The following NRG1 variants were observed in gnomAD, a reference collection of about 807,000 sequenced individuals.
The protein encoded by NRG1 is neuregulin 1, also known as pro-neuregulin-1, membrane-bound isoform.
In NRG1, 18 loss-of-function variants were observed where a neutral mutation model predicts 63.8. That is an observed-to-expected ratio of 0.28 (90% CI 0.19 to 0.42). NRG1 has a LOEUF of 0.42. Among genes scored for constraint, NRG1 ranks in the 10% least tolerant of loss-of-function variants. The pLI, the probability that NRG1 is intolerant of heterozygous loss-of-function variation, is 1.00. For synonymous variants in NRG1, 302 were observed against 301.3 expected (o/e 1.00, Z -0.02); for missense variants, 762 against 814.7 (o/e 0.94, Z 0.79).
intron 1 of NRG1, among the ~76,000 whole-genome samples, chr8:32,447,743 G>T (rs1820445217): frequency 1.3e-5 from 2 of 151,810 alleles, no homozygotes; most frequent in Admixed American, 1.3e-4. Context: ...CATGGCGGTG[G>T]CTCCCTGTAG....
chr8:32,291,992 A>G (rs925013081), intron 1 of NRG1, among the ~76,000 whole-genome samples: 37 of 152,200 alleles, frequency 2.4e-4, no homozygotes, highest in Non-Finnish European at 8.8e-5. Context: ...TTCTGGGTTT[A>G]GAGGTGTTGG....
exon 1 of NRG1, chr8:31,639,256 G>A (rs1803499847): frequency 1.9e-6 from 2 of 1,068,048 alleles, no homozygotes; most frequent in Non-Finnish European, 2.7e-6. Context: ...GTAAGCCTCC[G>A]CAGCCCACTC....
chr8:31,922,484 A>G (rs1426044236), intron 1 of NRG1, among the ~76,000 whole-genome samples: 2 of 152,202 alleles, frequency 1.3e-5, no homozygotes, highest in African/African-American at 2.4e-5. Context: ...TCTCGCCATT[A>G]GCAGGAGACA....
At chr8:31,832,811 G>A (rs1825297714) in intron 1 of NRG1, among the ~76,000 whole-genome samples, 1 of 152,072 alleles carries the variant, frequency 6.6e-6, no homozygotes, top group Non-Finnish European at 1.5e-5. Flanking sequence ...ACTTGTTATT[G>A]AAATTGCAAA....
At chr8:32,771,276 ATTTTTT>A (rs553989637), downstream of NRG1, among the ~76,000 whole-genome samples, 43 of 92,760 alleles carry the variant, frequency 4.6e-4, no homozygotes, top group East Asian at 8.2e-4. Flanking sequence ...ATGCCCAGCG[ATTTTTT>A]TTTTTTTTTT....
intron 5 of NRG1, among the ~76,000 whole-genome samples, chr8:32,656,098 A>G (rs2129548362): frequency 6.6e-6 from 1 of 152,326 alleles, no homozygotes. Flanking sequence ...AATCAAATGT[A>G]GAAATTCTTT....
intron 1 of NRG1, among the ~76,000 whole-genome samples, chr8:32,309,620 ATTGTT>A (rs911039057): frequency 6.6e-6 from 1 of 152,058 alleles, no homozygotes; most frequent in African/African-American, 2.4e-5. Context: ...GTTATGCCCT[ATTGTT>A]TTTTTTCTTT....
At chr8:32,138,104 T>C (rs1208637004) in intron 1 of NRG1, among the ~76,000 whole-genome samples, 1 of 152,112 alleles carries the variant, frequency 6.6e-6, no homozygotes, top group Non-Finnish European at 1.5e-5. Context: ...TAAAGCCCTC[T>C]TACTGCCTGT....
chr8:32,468,855 G>A (rs1486098859), intron 1 of NRG1, among the ~76,000 whole-genome samples: 1 of 151,986 alleles, frequency 6.6e-6, no homozygotes, highest in Non-Finnish European at 1.5e-5. Flanking sequence ...TTTTGGAAGT[G>A]GGAGACCAAG....
chr8:32,208,948 G>C (rs1452738771), intron 1 of NRG1, among the ~76,000 whole-genome samples: 4 of 152,090 alleles, frequency 2.6e-5, no homozygotes, highest in Non-Finnish European at 5.9e-5. Context: ...TAATAAGCAT[G>C]CATAGCCTAA....
chr8:31,682,842 A>G (rs1401826555), intron 1 of NRG1, among the ~76,000 whole-genome samples: 2 of 152,154 alleles, frequency 1.3e-5, no homozygotes, highest in African/African-American at 2.4e-5. Context: ...TTGGGATACA[A>G]CTGTGATAAA....
chr8:31,739,232 G>A (rs530689533), intron 1 of NRG1, among the ~76,000 whole-genome samples: 61 of 152,110 alleles, frequency 4.0e-4, no homozygotes, highest in Non-Finnish European at 7.5e-4. Flanking sequence ...TGGTCTTCAC[G>A]CGGCAAACCA....
At chr8:32,071,497 G>A (rs1586891694) in intron 1 of NRG1, among the ~76,000 whole-genome samples, 1 of 152,174 alleles carries the variant, frequency 6.6e-6, no homozygotes, top group Non-Finnish European at 1.5e-5. Context: ...ATGCATTCCT[G>A]TATTGGTAGA....
chr8:32,463,918 G>GTTTTTTTTTTTTT, intron 1 of NRG1, among the ~76,000 whole-genome samples: 1 of 68,636 alleles, frequency 1.5e-5, no homozygotes, highest in East Asian at 6.2e-4. Flanking sequence ...TTTTTTGGGG[G>GTTTTTTTTTTTTT]AGGGTCTCAT....
intron 1 of NRG1, among the ~76,000 whole-genome samples, chr8:32,394,419 C>G (rs1812180311): frequency 6.6e-6 from 1 of 152,220 alleles, no homozygotes; most frequent in Non-Finnish European, 1.5e-5. Flanking sequence ...TCTTCTCTGT[C>G]ACTAACCTTT....
At chr8:32,050,528 A>T (rs2130803285) in intron 1 of NRG1, among the ~76,000 whole-genome samples, 1 of 152,212 alleles carries the variant, frequency 6.6e-6, no homozygotes, top group Non-Finnish European at 1.5e-5. Flanking sequence ...GTGTACCATA[A>T]ATGCCTGCCA....
chr8:32,254,151 C>A, intron 1 of NRG1, among the ~76,000 whole-genome samples: 1 of 152,142 alleles, frequency 6.6e-6, no homozygotes, highest in Non-Finnish European at 1.5e-5. Context: ...CTCTTGGATT[C>A]ATTGATTTTT....
At position 32,211,786 on chromosome 8, in the gene NRG1, G is replaced by A. The variant is rs1159396976; in HGVS notation, c.38-384042G>A. 4.6e-5 allele frequency among the ~76,000 whole-genome samples: 7 copies of A among 152,160 alleles called. No homozygotes were observed. The South Asian group carries it at 1.5e-3, about 32-fold the overall frequency. On this transcript the variant is annotated intron_variant, in intron 1 of 10. Coordinates refer to the NRG1 transcript ENST00000519301. ...TCACACAGCAGGCTTGAATTTTTGT[G>A]TACTTAAATTTGCCAATCTTTTCAT...
At chr8:31,779,313 G>C (rs1819453059) in intron 1 of NRG1, among the ~76,000 whole-genome samples, 1 of 152,094 alleles carries the variant, frequency 6.6e-6, no homozygotes, top group African/African-American at 2.4e-5. Flanking sequence ...ATAGTGTGCT[G>C]GCATTACCTT....
Sources: allele counts gnomAD v4.1 joint callset (sites outside exome capture counted in the v4.1 genomes callset), GRCh38; gene constraint gnomAD v4.1.1; transcripts MANE v1.5; gene names NCBI Gene and HGNC (gene_info 2026-07-23, HGNC 2026-07-21).